Variants in PPP4R3A observed in about 807,000 individuals in gnomAD.
The protein encoded by PPP4R3A is protein phosphatase 4 regulatory subunit 3A.
PPP4R3A carries 15 observed loss-of-function variants against 91.7 expected under a neutral mutation model. The ratio of observed to expected loss-of-function variants is 0.16; its 90% CI spans 0.11 to 0.25. The LOEUF is 0.25. Among genes scored for constraint, PPP4R3A ranks in the 10% least tolerant of loss-of-function variants. The pLI is 1.00. For missense variants in PPP4R3A, 623 were observed against 998.4 expected (o/e 0.62, Z 5.07); for synonymous variants, 377 against 348.7 (o/e 1.08, Z -0.91).
intron 1 of PPP4R3A, among the ~76,000 whole-genome samples, chr14:91,501,765 C>T (rs568426351): frequency 2.3e-4 from 35 of 149,358 alleles, no homozygotes; most frequent in Non-Finnish European, 5.0e-4. Flanking sequence ...AGTGCAGTGG[C>T]GCGATCTTGG....
intron 11 of PPP4R3A, 87 bp downstream of exon 11, chr14:91,465,163 T>A: frequency 2.0e-6 from 2 of 1,001,612 alleles, no homozygotes; most frequent in Non-Finnish European, 2.7e-6. Context: ...CCAAATATTA[T>A]CATCTCAAGC....
Position 91,495,302 on chromosome 14 carries a change from A to ATGTGTGTGTGTGTGTGTGTGTGTGTGTG in PPP4R3A, c.143-4501_143-4500insCACACACACACACACACACACACACACA, listed in dbSNP as rs60663799. On this transcript the variant is annotated intron_variant, in intron 1 of 14. Coordinates refer to ENST00000554943, the MANE Select transcript of PPP4R3A (RefSeq NM_001366432.2). ...AAAATACCACATGTCCAGATACATA[A>ATGTGTGTGTGTGTGTGTGTGTGTGTGTG]TGTGTGTGTGTGTGTGTGTGTGTAT... Among the ~76,000 whole-genome samples the ATGTGTGTGTGTGTGTGTGTGTGTGTGTG allele has an allele frequency of 4.5e-3, 630 of 140,940 alleles. 3 individuals are homozygous for ATGTGTGTGTGTGTGTGTGTGTGTGTGTG. Among genetic ancestry groups the ATGTGTGTGTGTGTGTGTGTGTGTGTGTG allele is most frequent in the Middle Eastern group, 0.022 (6 of 276 alleles). The allele number at this position is 140,940 out of a possible 152,430, so 92.5% of individuals were successfully genotyped here. A position where few individuals can be genotyped will look rare whatever the true frequency, so the allele number is the denominator to read the frequency against.
chr14:91,491,793 T>C (rs746236736), intron 1 of PPP4R3A, among the ~76,000 whole-genome samples: 5 of 152,322 alleles, frequency 3.3e-5, no homozygotes, highest in East Asian at 3.9e-4. Flanking sequence ...CTCAGCTCTG[T>C]TGCAGTTGTG....
intron 4 of PPP4R3A, 109 bp downstream of exon 4, chr14:91,481,467 A>G: frequency 8.7e-7 from 1 of 1,146,840 alleles, no homozygotes. Flanking sequence ...AACTCACAAT[A>G]CTTAACTTTA....
chr14:91,461,218 T>C (rs1888132391), intron 14 of PPP4R3A, among the ~76,000 whole-genome samples, 163 bp downstream of exon 14: 1 of 152,184 alleles, frequency 6.6e-6, no homozygotes, highest in African/African-American at 2.4e-5. Context: ...CAGAAATTTC[T>C]CAACCTTTAT....
intron 1 of PPP4R3A, among the ~76,000 whole-genome samples, chr14:91,496,100 C>T (rs1011394064): frequency 2.0e-5 from 3 of 152,110 alleles, no homozygotes; most frequent in African/African-American, 7.2e-5. Context: ...ATTCAATTTA[C>T]ACAAAGCTCA....
At chr14:91,462,008 G>C in intron 13 of PPP4R3A, 41 bp downstream of exon 13, 1 of 1,452,876 alleles carries the variant, frequency 6.9e-7, no homozygotes, top group Non-Finnish European at 9.1e-7. Flanking sequence ...TCTAGAGTAA[G>C]AAAGCCTTAA....
intron 14 of PPP4R3A, among the ~76,000 whole-genome samples, chr14:91,460,637 CTTTTTTTTTT>C (rs573677740): frequency 9.9e-5 from 11 of 111,282 alleles, no homozygotes; most frequent in Admixed American, 1.1e-4. Flanking sequence ...GATTTTGTTC[CTTTTTTTTTT>C]TTTTTTTTTG....
chr14:91,462,005 TAAGA>T, intron 13 of PPP4R3A, 40 bp downstream of exon 13: 1 of 1,447,134 alleles, frequency 6.9e-7, no homozygotes, highest in African/African-American at 1.4e-5. Flanking sequence ...AAATCTAGAG[TAAGA>T]AAGCCTTAAT....
chr14:91,509,949 T>C lies in PPP4R3A; in HGVS notation c.-302A>G, dbSNP rs1204530762. 2 of 1,022,046 alleles carry C rather than the reference T, an allele frequency of 2.0e-6. No homozygotes were observed. The highest frequency in any genetic ancestry group is 2.3e-6 in the Non-Finnish European group (2 of 854,838). The allele number at this position is 1,022,046 out of a possible 1,614,324, so 63.3% of individuals were successfully genotyped here. ...TTCGTAGCCTCCCGCCCCGCAGCGC[T>C]AGGAACTCGGGGCTCCCGTCACTGC... On this transcript the variant is annotated 5_prime_UTR_variant, in exon 1 of 15. Coordinates refer to ENST00000554943, the MANE Select transcript of PPP4R3A (RefSeq NM_001366432.2).
intron 12 of PPP4R3A, 37 bp downstream of exon 12, chr14:91,462,698 A>C: frequency 1.2e-6 from 2 of 1,611,516 alleles, no homozygotes; most frequent in Non-Finnish European, 1.7e-6. Flanking sequence ...ATACGACTTG[A>C]TGCTGAACGA....
intron 10 of PPP4R3A, among the ~76,000 whole-genome samples, chr14:91,468,693 AAAAAG>A (rs1888642989): frequency 2.8e-5 from 4 of 144,968 alleles, no homozygotes; most frequent in African/African-American, 1.0e-4. Flanking sequence ...AAAAAAAGGA[AAAAAG>A]AAAAAAAAGA....
chr14:91,478,233 A>T (rs1318944320), intron 4 of PPP4R3A, among the ~76,000 whole-genome samples: 3 of 152,260 alleles, frequency 2.0e-5, no homozygotes, highest in Non-Finnish European at 4.4e-5. Context: ...TTCAAGACAC[A>T]TCTCCAATAT....
chr14:91,492,096 A>T (rs1890261879), intron 1 of PPP4R3A, among the ~76,000 whole-genome samples: 1 of 152,228 alleles, frequency 6.6e-6, no homozygotes, highest in Non-Finnish European at 1.5e-5. Context: ...CTACTAATTT[A>T]TGGACAGCAG....
intron 2 of PPP4R3A, 31 bp from the exon 3 acceptor site, chr14:91,485,761 T>G (rs1164138636): frequency 2.8e-6 from 4 of 1,432,688 alleles, no homozygotes; most frequent in Non-Finnish European, 3.8e-6. Context: ...TCTGAATGAT[T>G]AACATACACT....
intron 9 of PPP4R3A, among the ~76,000 whole-genome samples, chr14:91,472,315 A>C (rs1462443796): frequency 6.6e-6 from 1 of 152,196 alleles, no homozygotes; most frequent in Admixed American, 6.5e-5. Flanking sequence ...AAATAATTTA[A>C]AATGAATTTT....
chr14:91,501,871 ATTTTTTTTTT>A (rs755484959), intron 1 of PPP4R3A, among the ~76,000 whole-genome samples: 1 of 100,238 alleles, frequency 1.0e-5, no homozygotes, highest in African/African-American at 3.9e-5. Flanking sequence ...AGCCCGGCTA[ATTTTTTTTTT>A]TTTTTTTTTT....
chr14:91,501,653 A>C (rs761878655), intron 1 of PPP4R3A, among the ~76,000 whole-genome samples: 2 of 151,864 alleles, frequency 1.3e-5, no homozygotes, highest in Non-Finnish European at 2.9e-5. Flanking sequence ...CCCGCCTCAA[A>C]AAAAGAAAAG....
At chr14:91,502,144 G>A (rs528540127) in intron 1 of PPP4R3A, among the ~76,000 whole-genome samples, 25 of 152,250 alleles carry the variant, frequency 1.6e-4, no homozygotes, top group Non-Finnish European at 2.9e-4. Context: ...AATGGGCCAG[G>A]TGTGGTAGCT....
Sources: allele counts gnomAD v4.1 joint callset (sites outside exome capture counted in the v4.1 genomes callset), GRCh38; gene constraint gnomAD v4.1.1; transcripts MANE v1.5; gene names NCBI Gene and HGNC (gene_info 2026-07-23, HGNC 2026-07-21).